The following PDS5B variants were observed in gnomAD, a reference collection of about 807,000 sequenced individuals.
The protein encoded by PDS5B is sister chromatid cohesion protein PDS5 homolog B.
In PDS5B, 51 loss-of-function variants were observed where a neutral mutation model predicts 184.1. The observed-to-expected ratio is 0.28, with a 90% CI of 0.22 to 0.35. The LOEUF (loss-of-function observed/expected upper bound fraction) is 0.35, where lower values mean the gene tolerates loss of function less well. Among genes scored for constraint, PDS5B ranks in the 10% least tolerant of loss-of-function variants. PDS5B has a pLI of 1.00. For missense variants in PDS5B, 1,180 were observed against 1,723.3 expected, an observed-to-expected ratio of 0.68 and a Z score of 5.58; for synonymous variants, 566 against 569.2, an observed-to-expected ratio of 0.99 and a Z score of 0.08.
chr13:32,679,717 C>T (rs889440533), intron 10 of PDS5B, among the ~76,000 whole-genome samples: 1 of 152,036 alleles, frequency 6.6e-6, no homozygotes, highest in Non-Finnish European at 1.5e-5. Flanking sequence ...GGGAGACATC[C>T]CACTTGGAGC....
intron 2 of PDS5B, among the ~76,000 whole-genome samples, chr13:32,651,151 C>G (rs891740485): frequency 2.6e-5 from 4 of 152,070 alleles, no homozygotes; most frequent in Admixed American, 6.5e-5. Flanking sequence ...GAAAAAAGAA[C>G]CATTTCTTTT....
chr13:32,587,598 G>A (rs1309603726), intron 1 of PDS5B, among the ~76,000 whole-genome samples: 1 of 152,142 alleles, frequency 6.6e-6, no homozygotes, highest in Non-Finnish European at 1.5e-5. Flanking sequence ...CAGAAACGCC[G>A]CCCCTCGCCT....
intron 1 of PDS5B, among the ~76,000 whole-genome samples, chr13:32,599,300 G>C (rs1213233609): frequency 6.6e-6 from 1 of 151,652 alleles, no homozygotes; most frequent in Non-Finnish European, 1.5e-5. Context: ...ATCTTGTTTT[G>C]TCACCCAGGC....
At chr13:32,747,722 A>G (rs1164675250) in intron 24 of PDS5B, among the ~76,000 whole-genome samples, 2 of 152,226 alleles carry the variant, frequency 1.3e-5, no homozygotes, top group African/African-American at 4.8e-5. Flanking sequence ...AGAAGAAACC[A>G]ACATATGTAA....
At position 32,747,813 on chromosome 13, in the gene PDS5B, A is replaced by G. The variant is rs144947840; in HGVS notation, c.2736+1713A>G. ...ATTTCTTAGAGCATTTGCTGCTATCATTATTGAAGTGGAAATATTTAAAAA... is the reference window on the plus strand; with the variant it reads ...ATTTCTTAGAGCATTTGCTGCTATCGTTATTGAAGTGGAAATATTTAAAAA... On this transcript the variant is annotated intron_variant, in intron 24 of 34. Coordinates refer to ENST00000315596, the MANE Select transcript of PDS5B (RefSeq NM_015032.4). Among the ~76,000 whole-genome samples, 28 of 152,350 alleles carry G rather than the reference A, an allele frequency of 1.8e-4. 1 individual carries two copies. Among genetic ancestry groups the G allele is most frequent in the African/African-American group, 6.5e-4 (27 of 41,572 alleles).
At chr13:32,755,508 C>T (rs1020025995) in intron 25 of PDS5B, among the ~76,000 whole-genome samples, 1 of 152,020 alleles carries the variant, frequency 6.6e-6, no homozygotes, top group Non-Finnish European at 1.5e-5. Context: ...TTTTCTCTCA[C>T]TCTTGAATAT....
chr13:32,775,634 G>GC lies in PDS5B; in HGVS notation c.*584dup, dbSNP rs1414766427. On this transcript the variant is annotated 3_prime_UTR_variant, in exon 35 of 35. Transcript: ENST00000315596. Reference sequence around the variant, plus strand: ...AATCTTCAGAGGTGCTAAATTGTCTGCCATTACACCAGAAGGATGCCTCTG... The same window carrying GC: ...AATCTTCAGAGGTGCTAAATTGTCTGCCCATTACACCAGAAGGATGCCTCTG... 5 of 456,074 alleles carry GC rather than the reference G, an allele frequency of 1.1e-5. No individual in the cohort carries two copies. In the East Asian group the frequency reaches 3.5e-4, roughly 32 times the overall value. 28.3% of individuals were successfully genotyped at this position (456,074 alleles called of 1,614,324 possible). A position where few individuals can be genotyped will look rare whatever the true frequency, so the allele number is the denominator to read the frequency against.
chr13:32,677,998 T>G (rs1168394196), intron 9 of PDS5B, among the ~76,000 whole-genome samples: 1 of 152,108 alleles, frequency 6.6e-6, no homozygotes, highest in Non-Finnish European at 1.5e-5. Flanking sequence ...ATCTATGGTA[T>G]TTTGGTAGTC....
At chr13:32,678,009 T>G (rs1392355853) in intron 9 of PDS5B, among the ~76,000 whole-genome samples, 1 of 151,430 alleles carries the variant, frequency 6.6e-6, no homozygotes. Flanking sequence ...TTTGGTAGTC[T>G]GGCAAAAAAA....
chr13:32,762,726 A>G (rs775193137), intron 30 of PDS5B, among the ~76,000 whole-genome samples: 2 of 151,968 alleles, frequency 1.3e-5, no homozygotes, highest in East Asian at 3.9e-4. Context: ...TTTCTGTGCA[A>G]TGTTTTGTAC....
intron 6 of PDS5B, among the ~76,000 whole-genome samples, chr13:32,661,517 A>G (rs1452241743): frequency 6.6e-6 from 1 of 152,032 alleles, no homozygotes; most frequent in Non-Finnish European, 1.5e-5. Context: ...ATACAGGCAC[A>G]GTGAGATGAA....
At position 32,755,916 on chromosome 13, in the gene PDS5B, G is replaced by T. The variant is rs1287560671; in HGVS notation, c.3016G>T (p.Val1006Phe). 3 of 1,582,378 alleles carry T rather than the reference G, an allele frequency of 1.9e-6. No homozygotes were observed. Among genetic ancestry groups the T allele is most frequent in the Non-Finnish European group, 2.6e-6 (3 of 1,155,766 alleles). ...IHLLAHDPDY[V>F]KVQDIEQLKD... ...CCTTTTGGCACATGACCCAGATTAT[G>T]TCAAAGTACAGGATATTGAACAACT... is the stretch of plus-strand genomic sequence containing the variant. The change falls in exon 26 of 35, where the codon GTC (valine) becomes TTC (phenylalanine). Residue 1006 changes from valine (V) to phenylalanine (F), a missense_variant. Physicochemically the swap from Val to Phe is conservative, Grantham distance 50. Around this residue, in one of 11 missense-constraint regions of PDS5B, gnomAD observed 57 missense variants for 80.9 expected, o/e 0.70. Coordinates refer to ENST00000315596, the MANE Select transcript of PDS5B (RefSeq NM_015032.4).
At chr13:32,686,094 G>A (rs950108636) in intron 11 of PDS5B, among the ~76,000 whole-genome samples, 9 of 152,074 alleles carry the variant, frequency 5.9e-5, no homozygotes, top group South Asian at 2.1e-4. Flanking sequence ...AAAGAAAAAG[G>A]ACCACGAAGG....
chr13:32,626,943 T>C (rs2058379466), intron 1 of PDS5B, among the ~76,000 whole-genome samples: 1 of 152,238 alleles, frequency 6.6e-6, no homozygotes, highest in Non-Finnish European at 1.5e-5. Context: ...TATGCAAAGT[T>C]CTTAAGTCTT....
In PDS5B at chr13:32,724,725, G is replaced by A. The variant is rs7985892; in HGVS notation, c.2124-7376G>A. On this transcript the variant is annotated intron_variant, in intron 19 of 34. Coordinates refer to ENST00000315596, the MANE Select transcript of PDS5B (RefSeq NM_015032.4). The stretch of plus-strand genomic sequence containing the variant: ...CTCCTAAGTAGCTGGGACTACAGGC[G>A]CATGTCACCATGCCTGGCTAATTTT... 9.1e-3 allele frequency among the ~76,000 whole-genome samples: 1,382 copies of A among 152,120 alleles called. 26 individuals are homozygous for A. The highest frequency in any genetic ancestry group is 0.032 in the African/African-American group (1,325 of 41,486).
At position 32,757,128 on chromosome 13, in the gene PDS5B, A is replaced by G. The variant is rs544763774; in HGVS notation, c.3057-959A>G. Among the ~76,000 whole-genome samples, 4 of 150,708 alleles carry G rather than the reference A, an allele frequency of 2.7e-5. No homozygotes were observed. In the South Asian group the frequency reaches 8.5e-4, roughly 32 times the overall value. ...GCAAACAGAGTGAGACTCTGTCTCTATTAAAAAAAAAAAAAAATTAGTTCT... is the reference window on the plus strand; with the variant it reads ...GCAAACAGAGTGAGACTCTGTCTCTGTTAAAAAAAAAAAAAAATTAGTTCT... On this transcript the variant is annotated intron_variant, in intron 26 of 34. Transcript: ENST00000315596.
At chr13:32,588,533 G>A (rs191262800) in intron 1 of PDS5B, among the ~76,000 whole-genome samples, 255 of 152,294 alleles carry the variant, frequency 1.7e-3, no homozygotes, top group African/African-American at 6.0e-3. Flanking sequence ...TGGGAAGGTA[G>A]TGTTTGTCTT....
chr13:32,684,205 C>G (rs1337094402), intron 11 of PDS5B, among the ~76,000 whole-genome samples, 182 bp downstream of exon 11: 2 of 151,930 alleles, frequency 1.3e-5, no homozygotes, highest in Non-Finnish European at 2.9e-5. Context: ...TAAATTGTAT[C>G]AGTTTTTCTT....
At chr13:32,752,867 G>T (rs1216672957) in intron 24 of PDS5B, among the ~76,000 whole-genome samples, 2 of 152,146 alleles carry the variant, frequency 1.3e-5, no homozygotes, top group Non-Finnish European at 2.9e-5. Flanking sequence ...TGCTATGTCT[G>T]CCTTAGCCTC....
Sources: gnomAD v4.1 joint callset for allele counts (sites outside exome capture counted in the v4.1 genomes callset) on GRCh38, gnomAD v4.1.1 for gene constraint, gnomAD v4.1.1 regional missense constraint, MANE v1.5 for transcripts, NCBI Gene and HGNC (gene_info 2026-07-23, HGNC 2026-07-21) for gene names.